Variants in DNAI7 observed in about 807,000 individuals in gnomAD.
DNAI7 encodes the protein dynein axonemal intermediate chain 7.
DNAI7 carries 78 observed loss-of-function variants against 86.6 expected under a neutral mutation model. That is an observed-to-expected ratio of 0.90 (90% confidence interval 0.75 to 1.09). The LOEUF is 1.09. Ranked by LOEUF, DNAI7 falls within the 50% of genes least tolerant of loss-of-function variation. DNAI7 has a pLI of 0.00. For missense variants in DNAI7, 753 were observed against 810.2 expected (o/e 0.93, Z 0.86); for synonymous variants, 274 against 273.0 (o/e 1.00, Z -0.04).
chr12:25,165,971 TGCC>T (rs933891345), intron 2 of DNAI7, among the ~76,000 whole-genome samples: 2 of 152,254 alleles, frequency 1.3e-5, no homozygotes, highest in Admixed American at 6.5e-5. Flanking sequence ...CACACCTCAA[TGCC>T]GCCTTTTCCC....
chr12:25,147,017 G>T lies in DNAI7; in HGVS notation c.673C>A (p.Leu225Ile). ...ENVTLYVWAN[L>I]KKNPRHRSVR... The stretch of plus-strand genomic sequence containing the variant: ...CAAGGGTACCTTGGATTCTTCTTGA[G>T]GTTTGCCCACACATACAGAGTAACA... The change falls in exon 8 of 16, where the codon CTC (leucine) becomes ATC (isoleucine). Residue 225 changes from leucine (L) to isoleucine (I), a missense_variant. Transcript: ENST00000395987. 2 of 1,581,230 alleles carry T rather than the reference G, an allele frequency of 1.3e-6. No individual in the cohort carries two copies. The highest frequency in any genetic ancestry group is 1.7e-6 in the Non-Finnish European group (2 of 1,150,302).
chr12:25,152,824 T>C (rs924138037), intron 6 of DNAI7, among the ~76,000 whole-genome samples: 6 of 152,144 alleles, frequency 3.9e-5, no homozygotes, highest in African/African-American at 1.4e-4. Context: ...GGATAATTGG[T>C]TGGTGTGAGA....
intron 2 of DNAI7, among the ~76,000 whole-genome samples, chr12:25,175,104 T>A (rs1228463725): frequency 2.6e-5 from 4 of 151,866 alleles, no homozygotes; most frequent in Non-Finnish European, 4.4e-5. Context: ...CCTCAATAAG[T>A]TATGAAAAAA....
chr12:25,152,017 T>C (rs1471582746), intron 6 of DNAI7, among the ~76,000 whole-genome samples: 1 of 152,188 alleles, frequency 6.6e-6, no homozygotes, highest in East Asian at 1.9e-4. Flanking sequence ...AGTAGTGAAT[T>C]CCTTCTAGTT....
chr12:25,189,017 G>C (rs1401694476), intron 2 of DNAI7, among the ~76,000 whole-genome samples: 1 of 152,044 alleles, frequency 6.6e-6, no homozygotes, highest in Non-Finnish European at 1.5e-5. Flanking sequence ...GTTGGTCATG[G>C]GTCCAAGTGA....
chr12:25,108,438 T>G lies in DNAI7; in HGVS notation c.*110A>C. 1.1e-6 allele frequency: 1 copy of G among 940,770 alleles called. No homozygotes were observed. Among genetic ancestry groups the G allele is most frequent in the South Asian group, 2.5e-5 (1 of 40,004 alleles). 58.3% of individuals were successfully genotyped at this position (940,770 alleles called of 1,614,324 possible). Reference sequence around the variant, plus strand: ...TAGAAAATGCAGATTAGAAAATTTTTAATAGTTGATTTGAAATGTATTCAT... The same window carrying G: ...TAGAAAATGCAGATTAGAAAATTTTGAATAGTTGATTTGAAATGTATTCAT... On this transcript the variant is annotated 3_prime_UTR_variant, in exon 16 of 16. Coordinates refer to ENST00000395987, the MANE Select transcript of DNAI7 (RefSeq NM_018272.5).
At chr12:25,131,507 C>A (rs1047115562) in intron 9 of DNAI7, among the ~76,000 whole-genome samples, 1 of 152,148 alleles carries the variant, frequency 6.6e-6, no homozygotes, top group Non-Finnish European at 1.5e-5. Flanking sequence ...GTAGTGACAG[C>A]AAGAGTCTTC....
intron 9 of DNAI7, among the ~76,000 whole-genome samples, chr12:25,127,027 T>TCC (rs1429232960): frequency 6.6e-6 from 1 of 152,234 alleles, no homozygotes; most frequent in Non-Finnish European, 1.5e-5. Context: ...AAAGAGGATA[T>TCC]TCTTGCATAT....
intron 2 of DNAI7, 131 bp from the exon 3 acceptor site, chr12:25,161,328 A>C (rs1946817188): frequency 1.3e-6 from 1 of 750,568 alleles, no homozygotes; most frequent in East Asian, 2.6e-5. Context: ...TCATTCAACA[A>C]ATAAGACTGC....
At position 25,144,698 on chromosome 12, in the gene DNAI7, C is replaced by CA. The variant is rs753584382; in HGVS notation, c.690-22dup. On this transcript the variant is annotated intron_variant, in intron 8 of 15. Transcript: ENST00000395987. Reference sequence around the variant, plus strand: ...TGTGCCTGTTAATAATTAATTACAACAAAAAAAGATGAGACCCTAGGAAAC... The same window carrying CA: ...TGTGCCTGTTAATAATTAATTACAACAAAAAAAAGATGAGACCCTAGGAAAC... The CA allele has an allele frequency of 1.1e-4, 165 of 1,567,174 alleles. No homozygotes were observed. The African/African-American group carries it at 2.0e-3, about 19-fold the overall frequency.
intron 11 of DNAI7, among the ~76,000 whole-genome samples, chr12:25,121,272 C>T (rs1053484706): frequency 6.6e-6 from 1 of 152,154 alleles, no homozygotes; most frequent in Non-Finnish European, 1.5e-5. Flanking sequence ...AAACTACGGT[C>T]CCTGGGAAAT....
At chr12:25,133,083 T>C (rs1204764874) in intron 9 of DNAI7, among the ~76,000 whole-genome samples, 4 of 152,118 alleles carry the variant, frequency 2.6e-5, no homozygotes, top group Admixed American at 6.5e-5. Flanking sequence ...GTTTCCTATA[T>C]TCTGTTCAAA....
rs1240065096 is a variant in DNAI7 at position 25,144,483 on chromosome 12, T to C, written c.884A>G (p.Glu295Gly). The C allele has an allele frequency of 6.2e-7, 1 of 1,614,184 alleles. No individual in the cohort carries two copies. Among genetic ancestry groups the C allele is most frequent in the Non-Finnish European group, 8.5e-7 (1 of 1,180,010 alleles). The change falls in exon 9 of 16, where the codon GAA becomes GGA. Residue 295 changes from glutamate (E) to glycine (G), a missense_variant. Physicochemically the swap from Glu to Gly is moderately conservative, Grantham distance 98. Coordinates refer to ENST00000395987, the MANE Select transcript of DNAI7 (RefSeq NM_018272.5). The stretch of plus-strand genomic sequence containing the variant: ...TTCGACCTCCTTGCTGATTGCTTTT[T>C]CTACATTCTTAACATCATCTTTGAC... ...ELVKDDVKNVEKAISKEVEEE... is the reference protein window; with the variant it reads ...ELVKDDVKNVGKAISKEVEEE...
At chr12:25,138,503 T>C (rs996007950) in intron 9 of DNAI7, among the ~76,000 whole-genome samples, 8 of 152,118 alleles carry the variant, frequency 5.3e-5, no homozygotes, top group African/African-American at 1.9e-4. Context: ...TTATATTCAG[T>C]ATTCTCTCAG....
At chr12:25,108,072 C>T, downstream of DNAI7, 1 of 1,608,910 alleles carries the variant, frequency 6.2e-7, no homozygotes, top group Non-Finnish European at 8.5e-7. Flanking sequence ...AGCAGGACAT[C>T]CTAATATATG....
At chr12:25,138,882 C>CAAA (rs35705308) in intron 9 of DNAI7, among the ~76,000 whole-genome samples, 2,024 of 141,770 alleles carry the variant, frequency 0.014, 92 homozygotes, top group East Asian at 0.11. Flanking sequence ...GAAATTGAAA[C>CAAA]AAAAAAAAAA....
intron 14 of DNAI7, among the ~76,000 whole-genome samples, chr12:25,110,472 A>G (rs1949733320): frequency 6.6e-6 from 1 of 152,052 alleles, no homozygotes; most frequent in African/African-American, 2.4e-5. Context: ...CCGACTCCAC[A>G]TATACCCCAT....
In DNAI7 at chr12:25,174,110, C is replaced by T. The variant is rs1453540817; in HGVS notation, c.22-12913G>A. On this transcript the variant is annotated intron_variant, in intron 2 of 15. Coordinates refer to ENST00000395987, the MANE Select transcript of DNAI7 (RefSeq NM_018272.5). ...CTTTTGAGAATTGTGTATTCATGTCCTTAGCCCACTTTTTGATGGGTTTGT... is the reference window on the plus strand; with the variant it reads ...CTTTTGAGAATTGTGTATTCATGTCTTTAGCCCACTTTTTGATGGGTTTGT... Among the ~76,000 whole-genome samples, 3 of 147,710 alleles carry T rather than the reference C, an allele frequency of 2.0e-5. No homozygotes were observed. In the Admixed American group the frequency reaches 2.1e-4, roughly 10 times the overall value.
At chr12:25,144,770 T>G in intron 8 of DNAI7, 93 bp from the exon 9 acceptor site, 1 of 992,240 alleles carries the variant, frequency 1.0e-6, no homozygotes, top group South Asian at 1.7e-5. Context: ...TCTCTTCACT[T>G]TAATTTTGCT....
Sources: allele counts gnomAD v4.1 joint callset (sites outside exome capture counted in the v4.1 genomes callset), GRCh38; gene constraint gnomAD v4.1.1; transcripts MANE v1.5; gene names NCBI Gene and HGNC (gene_info 2026-07-23, HGNC 2026-07-21).